Variants in KCNT2 observed in about 807,000 individuals in gnomAD.
KCNT2 encodes potassium channel subfamily T member 2.
A neutral mutation model predicts 153.8 loss-of-function variants in KCNT2; 67 were observed. The observed-to-expected ratio is 0.44, with a 90% CI of 0.36 to 0.53. The LOEUF (loss-of-function observed/expected upper bound fraction) is 0.53. Ranked by LOEUF, KCNT2 falls within the 20% of genes least tolerant of loss-of-function variation. The probability of loss-of-function intolerance (pLI) is 0.00; values close to 1 mark genes in which losing one functional copy is unlikely to be tolerated. For synonymous variants in KCNT2, 500 were observed against 458.8 expected, an observed-to-expected ratio of 1.09 and a Z score of -1.15; for missense variants, 975 against 1,354.8, an observed-to-expected ratio of 0.72 and a Z score of 4.40.
chr1:196,528,125 T>G (rs1025968081), intron 1 of KCNT2, among the ~76,000 whole-genome samples: 1 of 152,224 alleles, frequency 6.6e-6, no homozygotes, highest in Non-Finnish European at 1.5e-5. Flanking sequence ...TGTCAAAACA[T>G]CCGGTTTCAT....
At chr1:196,509,169 T>C (rs1681396453) in intron 1 of KCNT2, among the ~76,000 whole-genome samples, 1 of 149,338 alleles carries the variant, frequency 6.7e-6, no homozygotes, top group African/African-American at 2.5e-5. Context: ...CTCGGGAGGC[T>C]GAGGCAGGAG....
Position 196,373,181 on chromosome 1 carries a change from T to C in KCNT2, c.1362A>G (p.Thr454=). 1 of 1,587,510 alleles carries C rather than the reference T, an allele frequency of 6.3e-7. No homozygotes were observed. The highest frequency in any genetic ancestry group is 2.2e-5 in the East Asian group (1 of 44,556). The change falls in exon 14 of 28, where the codon ACA becomes ACG. Residue 454 remains threonine, a synonymous_variant. Transcript: ENST00000294725. ...MLALNCICPA[T]STLITLLVHT... ...GAACCAGTAGTGTAATAAGTGTAGA[T>C]GTTGCTGGGCATATACAGTTTAAAG...
rs535987359 is a variant in KCNT2, at chr1:196,406,102, A to G, written c.1186-7431T>C. On this transcript the variant is annotated intron_variant, in intron 12 of 27. Coordinates refer to ENST00000294725, the MANE Select transcript of KCNT2 (RefSeq NM_198503.5). ...CAAAAGCACCTTGAGGTCAGGGTCT[A>G]TTTTGTTCATAATTAGAACATCCAG... 9.2e-5 allele frequency among the ~76,000 whole-genome samples: 14 copies of G among 151,614 alleles called. No individual in the cohort carries two copies. In the South Asian group the frequency reaches 2.9e-3, roughly 31 times the overall value.
At chr1:196,509,184 G>A (rs1483984978) in intron 1 of KCNT2, among the ~76,000 whole-genome samples, 2 of 150,480 alleles carry the variant, frequency 1.3e-5, no homozygotes, top group Non-Finnish European at 2.9e-5. Flanking sequence ...CAGGAGAATC[G>A]CTTGAACCCA....
chr1:196,509,155 G>A (rs1572680400), intron 1 of KCNT2, among the ~76,000 whole-genome samples: 1 of 151,554 alleles, frequency 6.6e-6, no homozygotes, highest in African/African-American at 2.4e-5. Flanking sequence ...TGTAATCCTA[G>A]CTACTCGGGA....
chr1:196,237,406 A>T (rs1482478866), intron 26 of KCNT2, among the ~76,000 whole-genome samples: 1 of 151,732 alleles, frequency 6.6e-6, no homozygotes, highest in East Asian at 1.9e-4. Context: ...TGCCAGTAAC[A>T]TTATTACAAT....
intron 1 of KCNT2, among the ~76,000 whole-genome samples, chr1:196,498,058 T>C (rs1431664579): frequency 6.6e-6 from 1 of 152,172 alleles, no homozygotes; most frequent in African/African-American, 2.4e-5. Context: ...TACCTTAATG[T>C]TGATTTTAAT....
At chr1:196,283,069 C>T (rs1490326317) in intron 23 of KCNT2, among the ~76,000 whole-genome samples, 1 of 152,202 alleles carries the variant, frequency 6.6e-6, no homozygotes, top group Non-Finnish European at 1.5e-5. Context: ...GTCTAGAACT[C>T]CTGGCCTCAA....
At chr1:196,599,630 C>T (rs1031999282) in intron 1 of KCNT2, among the ~76,000 whole-genome samples, 1 of 152,194 alleles carries the variant, frequency 6.6e-6, no homozygotes, top group Non-Finnish European at 1.5e-5. Flanking sequence ...ACAGCTAAGA[C>T]TCTAAAGAGG....
chr1:196,297,432 G>T (rs944736798), intron 22 of KCNT2, among the ~76,000 whole-genome samples: 2 of 152,052 alleles, frequency 1.3e-5, no homozygotes, highest in African/African-American at 2.4e-5. Flanking sequence ...TAATTACACT[G>T]AATTTGAAGT....
chr1:196,549,009 G>A (rs1657526977), intron 1 of KCNT2, among the ~76,000 whole-genome samples: 2 of 151,448 alleles, frequency 1.3e-5, no homozygotes, highest in African/African-American at 4.9e-5. Flanking sequence ...CTGTTGTGGG[G>A]TGGGGGAGGG....
intron 1 of KCNT2, among the ~76,000 whole-genome samples, chr1:196,586,239 G>C (rs1662664774): frequency 6.6e-6 from 1 of 152,022 alleles, no homozygotes; most frequent in South Asian, 2.1e-4. Context: ...ACTCCAACCT[G>C]GGTAATAGAG....
At chr1:196,250,900 G>C (rs1180465769) in intron 26 of KCNT2, among the ~76,000 whole-genome samples, 1 of 151,956 alleles carries the variant, frequency 6.6e-6, no homozygotes, top group Non-Finnish European at 1.5e-5. Context: ...ATCAGAGAAA[G>C]ACAAATCAAA....
rs184392324 is a variant in KCNT2 at position 196,458,907 on chromosome 1, C to T, written c.638+6386G>A. Among the ~76,000 whole-genome samples the T allele has an allele frequency of 6.6e-5, 10 of 151,980 alleles. 2 individuals carry two copies. In the East Asian group the frequency reaches 1.9e-3, roughly 30 times the overall value. On this transcript the variant is annotated intron_variant, in intron 8 of 27. Transcript: ENST00000294725. ...CAATGGCATTCTGTGCTGAAATCAT[C>T]TAACACTTTCATCCATTCCTGTAAT... is the stretch of plus-strand genomic sequence containing the variant.
At chr1:196,399,176 C>T (rs1040473763) in intron 12 of KCNT2, among the ~76,000 whole-genome samples, 1 of 150,156 alleles carries the variant, frequency 6.7e-6, no homozygotes, top group African/African-American at 2.4e-5. Flanking sequence ...TAATAAAATA[C>T]ATCAAAAAAA....
chr1:196,427,884 C>T (rs1189093192), intron 10 of KCNT2, among the ~76,000 whole-genome samples: 1 of 152,052 alleles, frequency 6.6e-6, no homozygotes. Context: ...TTCCATCTGT[C>T]TTTCAGCGTA....
Position 196,539,135 on chromosome 1 carries a change from T to C in KCNT2, c.96-46794A>G, listed in dbSNP as rs1398726113. Among the ~76,000 whole-genome samples, 3 of 152,200 alleles carry C rather than the reference T, an allele frequency of 2.0e-5. 1 individual carries two copies. The highest frequency in any genetic ancestry group is 4.1e-4 in the South Asian group (2 of 4,832). Reference sequence around the variant, plus strand: ...AAAAATGAATACATTTTAATGAAATTATTCATGATAAACTAAGTTCTTTCT... The same window carrying C: ...AAAAATGAATACATTTTAATGAAATCATTCATGATAAACTAAGTTCTTTCT... On this transcript the variant is annotated intron_variant, in intron 1 of 27. Transcript: ENST00000294725.
At chr1:196,374,156 A>G (rs1313808996) in intron 13 of KCNT2, among the ~76,000 whole-genome samples, 1 of 151,946 alleles carries the variant, frequency 6.6e-6, no homozygotes, top group Non-Finnish European at 1.5e-5. Context: ...AAAAATAAAG[A>G]GAAGGTTTAA....
chr1:196,411,622 A>T (rs1404563110), intron 12 of KCNT2, among the ~76,000 whole-genome samples: 6 of 151,586 alleles, frequency 4.0e-5, no homozygotes, highest in Non-Finnish European at 7.4e-5. Flanking sequence ...TAAGTATTTT[A>T]TTCTTTTTGA....
Sources: gnomAD v4.1 joint callset for allele counts (sites outside exome capture counted in the v4.1 genomes callset) on GRCh38, gnomAD v4.1.1 for gene constraint, MANE v1.5 for transcripts, NCBI Gene and HGNC (gene_info 2026-07-23, HGNC 2026-07-21) for gene names.